The following ZNF143 variants were observed in gnomAD, a reference collection of about 807,000 sequenced individuals.
ZNF143 encodes zinc finger protein 143, also known as SPH-binding factor.
A neutral mutation model predicts 74.1 loss-of-function variants in ZNF143; 49 were observed. The ratio of observed to expected loss-of-function variants is 0.66; its 90% CI spans 0.53 to 0.84. The LOEUF (loss-of-function observed/expected upper bound fraction) is 0.84. Among genes scored for constraint, ZNF143 ranks in the 40% least tolerant of loss-of-function variants. ZNF143 has a pLI of 0.00. For synonymous variants in ZNF143, 304 were observed against 282.8 expected (o/e 1.07, Z -0.75); for missense variants, 637 against 793.4 (o/e 0.80, Z 2.37).
In ZNF143 at chr11:9,508,955, A is replaced by G. The variant is rs1848451765; in HGVS notation, c.1375+109A>G. 3 of 1,146,122 alleles carry G rather than the reference A, an allele frequency of 2.6e-6. No individual in the cohort carries two copies. The South Asian group carries it at 4.4e-5, about 17-fold the overall frequency. The allele number at this position is 1,146,122 out of a possible 1,614,324, so 71.0% of individuals were successfully genotyped here. ...GAAATCCTAATGTGTCATTCGTATAATCACATAAACATAATTTACAGCTGC... is the reference window on the plus strand; with the variant it reads ...GAAATCCTAATGTGTCATTCGTATAGTCACATAAACATAATTTACAGCTGC... On this transcript the variant is annotated intron_variant, in intron 12 of 15. Transcript: ENST00000396602.
At chr11:9,477,480 C>T (rs1298396935) in intron 5 of ZNF143, among the ~76,000 whole-genome samples, 1 of 152,104 alleles carries the variant, frequency 6.6e-6, no homozygotes, top group Non-Finnish European at 1.5e-5. Flanking sequence ...TGGTCTCAAT[C>T]TCTTGACCTT....
At chr11:9,516,141 G>T in intron 13 of ZNF143, 60 bp from the exon 14 acceptor site, 1 of 1,560,810 alleles carries the variant, frequency 6.4e-7, no homozygotes, top group East Asian at 2.2e-5. Context: ...TGGTCCTTAT[G>T]GAAGATTGTC....
At chr11:9,464,681 G>A (rs1033031467) in intron 1 of ZNF143, among the ~76,000 whole-genome samples, 2 of 152,036 alleles carry the variant, frequency 1.3e-5, no homozygotes, top group Non-Finnish European at 2.9e-5. Context: ...CAGCACTTTG[G>A]GAGGCCGAGG....
At chr11:9,479,624 TAACTCACTACCTCTCTAGGA>T (rs1565032202) in intron 7 of ZNF143, 78 bp downstream of exon 7, 31 of 1,159,258 alleles carry the variant, frequency 2.7e-5, no homozygotes. Flanking sequence ...CAAGAATAGG[TAACTCACTACCTCTCTAGGA>T]AAATCTCACC....
intron 11 of ZNF143, among the ~76,000 whole-genome samples, chr11:9,508,025 A>C (rs1848422647): frequency 6.6e-6 from 1 of 152,190 alleles, no homozygotes. Context: ...TAATGTTCTC[A>C]AGCTGTTTCA....
chr11:9,506,435 C>T (rs895813072), intron 11 of ZNF143, among the ~76,000 whole-genome samples: 4 of 152,216 alleles, frequency 2.6e-5, no homozygotes, highest in Admixed American at 2.0e-4. Flanking sequence ...GAGATGCCTA[C>T]ATTAAGTTTG....
At chr11:9,494,818 A>G in intron 8 of ZNF143, 53 bp downstream of exon 8, 2 of 1,529,474 alleles carry the variant, frequency 1.3e-6, no homozygotes, top group Admixed American at 1.9e-5. Context: ...AGGATATTAA[A>G]TACTAAGATC....
chr11:9,475,910 A>ATATATATGTGTGTGTG (rs370474107), intron 5 of ZNF143, among the ~76,000 whole-genome samples: 1 of 137,288 alleles, frequency 7.3e-6, no homozygotes, highest in African/African-American at 2.8e-5. Flanking sequence ...AAAAATATAT[A>ATATATATGTGTGTGTG]TGTGTGTGTG....
At position 9,483,472 on chromosome 11, in the gene ZNF143, A is replaced by G. The variant is rs147256223; in HGVS notation, c.645+3926A>G. Among the ~76,000 whole-genome samples the G allele has an allele frequency of 7.5e-3, 1,100 of 147,148 alleles. 57 individuals carry two copies. Among genetic ancestry groups the G allele is most frequent in the African/African-American group, 0.027 (1,042 of 38,862 alleles). ...CCACCGTGCCTGTCTAATTTTTTGT[A>G]TTTTTAGTAGAGACAGGGTTTTACC... On this transcript the variant is annotated intron_variant, in intron 7 of 15. Coordinates refer to ENST00000396602, the MANE Select transcript of ZNF143 (RefSeq NM_003442.6).
chr11:9,486,420 T>A (rs11042386), intron 7 of ZNF143, among the ~76,000 whole-genome samples: 7 of 31,020 alleles, frequency 2.3e-4, no homozygotes, highest in African/African-American at 4.5e-4. Flanking sequence ...ATAATATATA[T>A]TATATATATT....
At chr11:9,523,408 T>C (rs771448801) in intron 14 of ZNF143, among the ~76,000 whole-genome samples, 10 of 152,178 alleles carry the variant, frequency 6.6e-5, no homozygotes, top group Non-Finnish European at 1.3e-4. Flanking sequence ...TGGAATGTTG[T>C]TGGAAACCGG....
intron 14 of ZNF143, among the ~76,000 whole-genome samples, chr11:9,522,147 A>T (rs1206364054): frequency 6.6e-6 from 1 of 152,204 alleles, no homozygotes; most frequent in Non-Finnish European, 1.5e-5. Flanking sequence ...ATTGGAAAAA[A>T]AAGGTTTAAA....
At chr11:9,509,602 C>T (rs1003734015) in intron 12 of ZNF143, among the ~76,000 whole-genome samples, 2 of 152,176 alleles carry the variant, frequency 1.3e-5, no homozygotes, top group African/African-American at 4.8e-5. Flanking sequence ...TAAGAGAAGA[C>T]ATCTTTTTTC....
At position 9,496,396 on chromosome 11, in the gene ZNF143, GT is replaced by G. The variant is rs1565047563; in HGVS notation, c.841+25del. On this transcript the variant is annotated intron_variant, in intron 9 of 15. Transcript: ENST00000396602. ...TGCAACAGGTAAAAGTATGAATTTT[GT>G]TTTTTTCTTGGTTCCAATTAGGGGT... 9.9e-6 allele frequency: 16 copies of G among 1,613,194 alleles called. No homozygotes were observed. The South Asian group carries it at 1.6e-4, about 17-fold the overall frequency.
chr11:9,486,371 A>ATATT (rs1477531952), intron 7 of ZNF143, among the ~76,000 whole-genome samples: 1 of 36,720 alleles, frequency 2.7e-5, no homozygotes, highest in Non-Finnish European at 5.0e-5. Context: ...TATTATATAT[A>ATATT]ATATATTATA....
intron 5 of ZNF143, 32 bp from the exon 6 acceptor site, chr11:9,478,358 T>G (rs772351668): frequency 4.4e-6 from 7 of 1,592,094 alleles, no homozygotes; most frequent in Non-Finnish European, 6.0e-6. Flanking sequence ...ATTTTACCTT[T>G]AATTTAATGG....
At chr11:9,466,760 G>A (rs1856246319) in intron 1 of ZNF143, among the ~76,000 whole-genome samples, 3 of 151,900 alleles carry the variant, frequency 2.0e-5, no homozygotes, top group Admixed American at 2.0e-4. Flanking sequence ...AATTTTAATG[G>A]TCTACAAAAC....
chr11:9,493,369 C>T (rs1016160324), intron 7 of ZNF143, among the ~76,000 whole-genome samples: 14 of 152,070 alleles, frequency 9.2e-5, no homozygotes, highest in Non-Finnish European at 1.3e-4. Context: ...TGCGCCTGGC[C>T]TATGCATACT....
Position 9,508,694 on chromosome 11 carries a change from ATGT to A in ZNF143, c.1227_1229del (p.Val410del). 1.2e-6 allele frequency: 2 copies of A among 1,614,086 alleles called. No individual in the cohort carries two copies. The highest frequency in any genetic ancestry group is 1.7e-6 in the Non-Finnish European group (2 of 1,180,026). ...GAATATTCCAGTTTGTACAAACATC[ATGT>A]TGTCCACACTCATTCCAAACCTTAC... On this transcript the variant is annotated inframe_deletion, in exon 12 of 16. Transcript: ENST00000396602.
Sources: gnomAD v4.1 joint callset for allele counts (sites outside exome capture counted in the v4.1 genomes callset) on GRCh38, gnomAD v4.1.1 for gene constraint, MANE v1.5 for transcripts, NCBI Gene and HGNC (gene_info 2026-07-23, HGNC 2026-07-21) for gene names.